The following PDE3A variants were observed in gnomAD, a reference collection of about 807,000 sequenced individuals.
The protein encoded by PDE3A is cGMP-inhibited 3',5'-cyclic phosphodiesterase 3A.
Under a neutral mutation model 98.3 loss-of-function variants are expected in PDE3A, and 43 were observed. The ratio of observed to expected loss-of-function variants is 0.44; its 90% CI spans 0.34 to 0.56. The LOEUF is 0.56. Ranked by LOEUF, PDE3A falls within the 20% of genes least tolerant of loss-of-function variation. PDE3A has a pLI of 0.01. For synonymous variants in PDE3A, 663 were observed against 567.9 expected, an observed-to-expected ratio of 1.17 and a Z score of -2.38; for missense variants, 1,427 against 1,440.7, an observed-to-expected ratio of 0.99 and a Z score of 0.15.
At chr12:20,417,907 C>T (rs570640828) in intron 1 of PDE3A, among the ~76,000 whole-genome samples, 1 of 152,168 alleles carries the variant, frequency 6.6e-6, no homozygotes, top group African/African-American at 2.4e-5. Context: ...ACAGTAACAA[C>T]AATAACAGTT....
chr12:20,575,877 A>T (rs1370763956), intron 2 of PDE3A, among the ~76,000 whole-genome samples: 34 of 151,036 alleles, frequency 2.3e-4, no homozygotes, highest in Admixed American at 2.1e-3. Context: ...GGTCTTTTTT[A>T]AAAAAATGTA....
rs192122996 is a variant in PDE3A at position 20,425,775 on chromosome 12, G to A, written c.960+55531G>A. Among the ~76,000 whole-genome samples, 10 of 152,250 alleles carry A rather than the reference G, an allele frequency of 6.6e-5. No individual in the cohort carries two copies. In the East Asian group the frequency reaches 1.5e-3, roughly 23 times the overall value. On this transcript the variant is annotated intron_variant, in intron 1 of 15. Coordinates refer to ENST00000359062, the MANE Select transcript of PDE3A (RefSeq NM_000921.5). Reference sequence around the variant, plus strand: ...CTTTCCCAAGTGTCTGGCACTATGCGTATTTCACCAAGCATTTGTAGAGAA... The same window carrying A: ...CTTTCCCAAGTGTCTGGCACTATGCATATTTCACCAAGCATTTGTAGAGAA...
chr12:20,400,378 G>GGT (rs1944100302), intron 1 of PDE3A, among the ~76,000 whole-genome samples: 1 of 106,112 alleles, frequency 9.4e-6, no homozygotes, highest in Non-Finnish European at 1.9e-5. Context: ...CGTTAACATT[G>GGT]GTTTTTTTTT....
Position 20,688,318 on chromosome 12 carries a change from A to G in PDE3A, c.*8047A>G, listed in dbSNP as rs1946035917. 6.6e-6 allele frequency among the ~76,000 whole-genome samples: 1 copy of G among 152,012 alleles called. No homozygotes were observed. The highest frequency in any genetic ancestry group is 1.5e-5 in the Non-Finnish European group (1 of 67,942). On this transcript the variant is annotated 3_prime_UTR_variant, in exon 16 of 16. Coordinates refer to ENST00000359062, the MANE Select transcript of PDE3A (RefSeq NM_000921.5). ...CATCACAAGTATTGTTAGGCGACTT[A>G]GTGGCGGAGAAATGTTTGTAAAAAG...
At chr12:20,582,832 A>G (rs1449500369) in intron 2 of PDE3A, among the ~76,000 whole-genome samples, 2 of 152,188 alleles carry the variant, frequency 1.3e-5, no homozygotes, top group East Asian at 3.8e-4. Context: ...TAGAGGTGAA[A>G]GAATAAAGGG....
At chr12:20,615,804 C>T (rs931825250) in intron 3 of PDE3A, among the ~76,000 whole-genome samples, 2 of 152,032 alleles carry the variant, frequency 1.3e-5, no homozygotes, top group African/African-American at 4.8e-5. Flanking sequence ...CAGCTCACTG[C>T]AACCTCCGCC....
At chr12:20,633,414 A>G (rs1944426832) in intron 6 of PDE3A, among the ~76,000 whole-genome samples, 1 of 152,168 alleles carries the variant, frequency 6.6e-6, no homozygotes, top group Non-Finnish European at 1.5e-5. Flanking sequence ...TTTTACCATC[A>G]CTTTCACCTC....
At chr12:20,497,790 A>T (rs1945946721) in intron 1 of PDE3A, among the ~76,000 whole-genome samples, 1 of 152,144 alleles carries the variant, frequency 6.6e-6, no homozygotes, top group South Asian at 2.1e-4. Flanking sequence ...ATCAAATAGA[A>T]CAAAGAAGAA....
intron 1 of PDE3A, among the ~76,000 whole-genome samples, chr12:20,499,966 C>T (rs1050473462): frequency 1.3e-5 from 2 of 152,286 alleles, no homozygotes; most frequent in African/African-American, 4.8e-5. Flanking sequence ...GATTAAATGA[C>T]TTGCTGAGGG....
intron 1 of PDE3A, among the ~76,000 whole-genome samples, chr12:20,449,325 A>G (rs1945020495): frequency 6.6e-6 from 1 of 152,218 alleles, no homozygotes; most frequent in Non-Finnish European, 1.5e-5. Flanking sequence ...AGAAAATAAA[A>G]TTTTATGAGG....
At chr12:20,508,099 A>G (rs1333716951) in intron 1 of PDE3A, among the ~76,000 whole-genome samples, 1 of 151,904 alleles carries the variant, frequency 6.6e-6, no homozygotes, top group East Asian at 1.9e-4. Context: ...ATGCAGCTAT[A>G]CTTATCCTTA....
intron 2 of PDE3A, among the ~76,000 whole-genome samples, chr12:20,561,154 G>A (rs1055350697): frequency 5.9e-5 from 9 of 151,994 alleles, no homozygotes; most frequent in African/African-American, 1.4e-4. Flanking sequence ...TCAGCTACTC[G>A]CAAGACTGAG....
At chr12:20,655,195 A>G (rs1945015665) in intron 15 of PDE3A, among the ~76,000 whole-genome samples, 1 of 152,200 alleles carries the variant, frequency 6.6e-6, no homozygotes, top group Non-Finnish European at 1.5e-5. Context: ...ATGAAATATT[A>G]TAGAGATAGG....
At chr12:20,557,514 C>T (rs1235025659) in intron 2 of PDE3A, among the ~76,000 whole-genome samples, 2 of 152,104 alleles carry the variant, frequency 1.3e-5, no homozygotes, top group African/African-American at 4.8e-5. Flanking sequence ...ACACATTTTG[C>T]ATTTGCTACT....
intron 1 of PDE3A, among the ~76,000 whole-genome samples, chr12:20,442,107 T>C (rs1321406922): frequency 2.0e-5 from 3 of 152,220 alleles, no homozygotes; most frequent in East Asian, 3.8e-4. Flanking sequence ...TTCTTCTTCA[T>C]AAAAATTTGA....
At chr12:20,600,451 G>A (rs1943567869) in intron 2 of PDE3A, among the ~76,000 whole-genome samples, 2 of 151,964 alleles carry the variant, frequency 1.3e-5, no homozygotes, top group South Asian at 4.1e-4. Context: ...CTTGAATATG[G>A]CTCATATTCC....
At chr12:20,492,935 A>G (rs1945854128) in intron 1 of PDE3A, among the ~76,000 whole-genome samples, 1 of 152,082 alleles carries the variant, frequency 6.6e-6, no homozygotes, top group Admixed American at 6.5e-5. Flanking sequence ...AAAAAGCAAA[A>G]ACACTTACTA....
In PDE3A at chr12:20,478,154, T is replaced by G. The variant is rs553032431; in HGVS notation, c.961-78506T>G. On this transcript the variant is annotated intron_variant, in intron 1 of 15. Transcript: ENST00000359062. Reference sequence around the variant, plus strand: ...AATTAGCTTTAGGAATTCTTCTTCATCTAGATTTTTATAAAGTGTTCTTAG... The same window carrying G: ...AATTAGCTTTAGGAATTCTTCTTCAGCTAGATTTTTATAAAGTGTTCTTAG... Among the ~76,000 whole-genome samples, 13 of 152,322 alleles carry G rather than the reference T, an allele frequency of 8.5e-5. No homozygotes were observed. In the South Asian group the frequency reaches 1.4e-3, roughly 17 times the overall value.
chr12:20,575,948 G>T (rs754658048), intron 2 of PDE3A, among the ~76,000 whole-genome samples: 13 of 151,732 alleles, frequency 8.6e-5, no homozygotes, highest in Non-Finnish European at 1.6e-4. Context: ...TGTACACAAA[G>T]AACTTACACC....
Sources: allele counts gnomAD v4.1 joint callset (sites outside exome capture counted in the v4.1 genomes callset), GRCh38; gene constraint gnomAD v4.1.1; transcripts MANE v1.5; gene names NCBI Gene and HGNC (gene_info 2026-07-23, HGNC 2026-07-21).